Variants in ADAMTS17 observed in about 807,000 individuals in gnomAD.
ADAMTS17 encodes the protein ADAM metallopeptidase with thrombospondin type 1 motif 17.
Under a neutral mutation model 141.5 loss-of-function variants are expected in ADAMTS17, and 113 were observed. The observed-to-expected ratio is 0.80, with a 90% CI of 0.69 to 0.93. The LOEUF (loss-of-function observed/expected upper bound fraction) is 0.93. Among genes scored for constraint, ADAMTS17 ranks in the 40% least tolerant of loss-of-function variants. The pLI is 0.00. For missense variants in ADAMTS17, 1,659 were observed against 1,517.9 expected (o/e 1.09, Z -1.54); for synonymous variants, 768 against 630.6 (o/e 1.22, Z -3.27).
intron 18 of ADAMTS17, among the ~76,000 whole-genome samples, chr15:100,028,194 C>T (rs945272788): frequency 2.6e-5 from 4 of 152,302 alleles, no homozygotes; most frequent in Non-Finnish European, 2.9e-5. Flanking sequence ...GTCAGACAGG[C>T]GCAGAATGTT....
intron 2 of ADAMTS17, among the ~76,000 whole-genome samples, chr15:100,336,790 A>T (rs1202267304): frequency 1.3e-5 from 2 of 152,188 alleles, no homozygotes; most frequent in Admixed American, 1.3e-4. Context: ...CTAAAGAAAG[A>T]AGTAGTAACA....
intron 10 of ADAMTS17, among the ~76,000 whole-genome samples, chr15:100,145,207 G>A (rs1386507716): frequency 6.6e-6 from 1 of 152,168 alleles, no homozygotes; most frequent in African/African-American, 2.4e-5. Flanking sequence ...TCTGCACACA[G>A]CAACACCAGT....
At chr15:100,218,287 T>A (rs991269029) in intron 7 of ADAMTS17, among the ~76,000 whole-genome samples, 21 of 152,362 alleles carry the variant, frequency 1.4e-4, no homozygotes, top group African/African-American at 5.1e-4. Context: ...TGAAACATAC[T>A]GCACCCCATA....
At position 100,225,758 on chromosome 15, in the gene ADAMTS17, T is replaced by C. The variant is rs55987268; in HGVS notation, c.1076-26335A>G. Among the ~76,000 whole-genome samples the C allele has an allele frequency of 3.1e-3, 417 of 136,600 alleles. 1 individual carries two copies. Among genetic ancestry groups the C allele is most frequent in the East Asian group, 9.7e-3 (40 of 4,126 alleles). The allele number at this position is 136,600 out of a possible 152,430, so 89.6% of individuals were successfully genotyped here. ...TGCCATTCAGTCCTTATAGCAGTCA[T>C]AGCCTCTGTCCCATTCTGTCCTTAC... is the stretch of plus-strand genomic sequence containing the variant. On this transcript the variant is annotated intron_variant, in intron 7 of 21. Coordinates refer to ENST00000268070, the MANE Select transcript of ADAMTS17 (RefSeq NM_139057.4).
At chr15:100,144,773 C>T (rs566400628) in intron 10 of ADAMTS17, among the ~76,000 whole-genome samples, 13 of 151,980 alleles carry the variant, frequency 8.6e-5, no homozygotes, top group African/African-American at 2.9e-4. Flanking sequence ...ATAACACACG[C>T]GTGTCGATGA....
intron 14 of ADAMTS17, among the ~76,000 whole-genome samples, chr15:100,099,767 G>C (rs1399238377): frequency 2.0e-5 from 2 of 99,786 alleles, no homozygotes; most frequent in Non-Finnish European, 4.5e-5. Context: ...AGATGGGATG[G>C]AACGGGGGGA....
At chr15:100,273,158 G>C (rs1002144868) in intron 4 of ADAMTS17, among the ~76,000 whole-genome samples, 2 of 152,072 alleles carry the variant, frequency 1.3e-5, no homozygotes, top group African/African-American at 4.8e-5. Flanking sequence ...ATTTATAAGG[G>C]ACTGTAGTTT....
chr15:100,190,372 G>A (rs2040872441), intron 8 of ADAMTS17, among the ~76,000 whole-genome samples: 1 of 152,204 alleles, frequency 6.6e-6, no homozygotes, highest in African/African-American at 2.4e-5. Flanking sequence ...CACAAAGTGA[G>A]AGCAAGCCAT....
intron 7 of ADAMTS17, among the ~76,000 whole-genome samples, chr15:100,251,032 C>G (rs891627893): frequency 2.6e-5 from 4 of 152,050 alleles, no homozygotes; most frequent in African/African-American, 9.7e-5. Context: ...CAAAATATGA[C>G]ACGTTAAGAG....
At position 100,212,609 on chromosome 15, in the gene ADAMTS17, A is replaced by AT. The variant is rs534227604; in HGVS notation, c.1076-13187_1076-13186insA. Among the ~76,000 whole-genome samples, 264 of 152,090 alleles carry AT rather than the reference A, an allele frequency of 1.7e-3. 1 individual carries two copies. The highest frequency in any genetic ancestry group is 5.7e-3 in the African/African-American group (235 of 41,478). On this transcript the variant is annotated intron_variant, in intron 7 of 21. Transcript: ENST00000268070. ...AAAGACATTCCCTAGGAAAAAAAAA[A>AT]CCCTCTCTGATGAGCCAAGTCAGAC...
At chr15:99,994,862 C>A (rs544078310) in intron 19 of ADAMTS17, among the ~76,000 whole-genome samples, 1 of 152,274 alleles carries the variant, frequency 6.6e-6, no homozygotes, top group Non-Finnish European at 1.5e-5. Flanking sequence ...TTGCGCCTCG[C>A]AGCTCTTTCT....
At chr15:99,975,776 T>C (rs143533179) in intron 21 of ADAMTS17, among the ~76,000 whole-genome samples, 2,282 of 152,334 alleles carry the variant, frequency 0.015, 54 homozygotes, top group African/African-American at 0.051. Flanking sequence ...CTACAGTGTC[T>C]GTGGAACATT....
At chr15:100,084,460 T>G (rs893212221) in intron 15 of ADAMTS17, among the ~76,000 whole-genome samples, 5 of 152,312 alleles carry the variant, frequency 3.3e-5, no homozygotes, top group Admixed American at 3.3e-4. Context: ...TCTGCAGACT[T>G]AAATGTCCCT....
intron 3 of ADAMTS17, among the ~76,000 whole-genome samples, chr15:100,296,099 A>G (rs1230535864): frequency 6.6e-6 from 1 of 152,128 alleles, no homozygotes; most frequent in Non-Finnish European, 1.5e-5. Flanking sequence ...AGTGCTTAAC[A>G]GATTCGGGGT....
chr15:100,053,803 C>A, intron 16 of ADAMTS17, 94 bp downstream of exon 16: 1 of 1,592,942 alleles, frequency 6.3e-7, no homozygotes, highest in Non-Finnish European at 8.6e-7. Context: ...ATTTCCTGCC[C>A]CCGAGGTCCC....
At chr15:100,267,395 G>A (rs934971335) in intron 4 of ADAMTS17, among the ~76,000 whole-genome samples, 1 of 152,182 alleles carries the variant, frequency 6.6e-6, no homozygotes. Flanking sequence ...CACCTTGGCT[G>A]TTTTTGCCAT....
At chr15:100,203,078 G>T (rs1302610639) in intron 7 of ADAMTS17, among the ~76,000 whole-genome samples, 1 of 152,174 alleles carries the variant, frequency 6.6e-6, no homozygotes, top group African/African-American at 2.4e-5. Context: ...GCCTCTAATG[G>T]GCTTGACTGC....
At chr15:99,975,406 C>T (rs1004476917) in intron 21 of ADAMTS17, among the ~76,000 whole-genome samples, 1 of 152,138 alleles carries the variant, frequency 6.6e-6, no homozygotes, top group African/African-American at 2.4e-5. Flanking sequence ...GAAGGGGTTT[C>T]ACCATGTTGG....
At chr15:100,010,465 A>T (rs74036684) in intron 18 of ADAMTS17, among the ~76,000 whole-genome samples, 2 of 152,158 alleles carry the variant, frequency 1.3e-5, no homozygotes, top group African/African-American at 4.8e-5. Flanking sequence ...GTGGGAGGCA[A>T]GGCCCTTCCC....
Sources: allele counts gnomAD v4.1 joint callset (sites outside exome capture counted in the v4.1 genomes callset), GRCh38; gene constraint gnomAD v4.1.1; transcripts MANE v1.5; gene names NCBI Gene and HGNC (gene_info 2026-07-23, HGNC 2026-07-21).